The following CELF2 variants were observed in gnomAD, a reference collection of about 807,000 sequenced individuals.
The protein encoded by CELF2 is CUG triplet repeat RNA-binding protein 2.
CELF2 carries 8 observed loss-of-function variants against 62.6 expected under a neutral mutation model. That is an observed-to-expected ratio of 0.13 (90% CI 0.07 to 0.23). The LOEUF (loss-of-function observed/expected upper bound fraction) is 0.23. Ranked by LOEUF, CELF2 falls within the 10% of genes least tolerant of loss-of-function variation. The probability of loss-of-function intolerance (pLI) is 1.00; values close to 1 mark genes in which losing one functional copy is unlikely to be tolerated. For missense variants in CELF2, 333 were observed against 671.0 expected, an observed-to-expected ratio of 0.50 and a Z score of 5.56; for synonymous variants, 258 against 250.0, an observed-to-expected ratio of 1.03 and a Z score of -0.30.
intron 1 of CELF2, among the ~76,000 whole-genome samples, chr10:10,832,224 TGCC>T (rs1354621648): frequency 6.7e-6 from 1 of 149,452 alleles, no homozygotes; most frequent in East Asian, 2.0e-4. Flanking sequence ...GCCAAGATCA[TGCC>T]GCTGCACTCC....
At chr10:10,549,190 T>C in the CELF2 span, among the ~76,000 whole-genome samples, 2 of 152,176 alleles carry the variant, frequency 1.3e-5, no homozygotes, top group African/African-American at 4.8e-5. Flanking sequence ...CAAAATACCA[T>C]AGGCTGGATG....
At chr10:10,846,402 A>T (rs2059016531) in intron 1 of CELF2, among the ~76,000 whole-genome samples, 1 of 152,176 alleles carries the variant, frequency 6.6e-6, no homozygotes, top group African/African-American at 2.4e-5. Flanking sequence ...GGACACTGAG[A>T]GCCCGAGGAA....
chr10:11,282,612 G>A (rs1053805053), intron 8 of CELF2, among the ~76,000 whole-genome samples: 1 of 152,236 alleles, frequency 6.6e-6, no homozygotes, highest in African/African-American at 2.4e-5. Context: ...TCTGCACTAG[G>A]CATTGTTTGA....
At chr10:10,484,667 C>T in the CELF2 span, among the ~76,000 whole-genome samples, 1 of 151,948 alleles carries the variant, frequency 6.6e-6, no homozygotes, top group Non-Finnish European at 1.5e-5. Flanking sequence ...GTTAGGAATA[C>T]AAGCCTAGCC....
At chr10:10,665,428 A>G in the CELF2 span, among the ~76,000 whole-genome samples, 2 of 152,162 alleles carry the variant, frequency 1.3e-5, no homozygotes, top group African/African-American at 4.8e-5. Flanking sequence ...ATGTATGTGT[A>G]AGCCAGAATT....
chr10:10,879,261 C>A (rs2061298814), intron 1 of CELF2, among the ~76,000 whole-genome samples: 1 of 152,148 alleles, frequency 6.6e-6, no homozygotes, highest in South Asian at 2.1e-4. Flanking sequence ...AGAAAACCTC[C>A]CTGGCTGCTC....
intron 1 of CELF2, among the ~76,000 whole-genome samples, chr10:11,142,497 A>G (rs1404211083): frequency 6.6e-6 from 1 of 152,048 alleles, no homozygotes; most frequent in Non-Finnish European, 1.5e-5. Flanking sequence ...ATCCTGGCTA[A>G]CACAGTGAAA....
At chr10:11,171,245 T>G (rs923702737) in intron 2 of CELF2, 1 of 152,228 alleles carries the variant, frequency 6.6e-6, no homozygotes, top group Admixed American at 6.5e-5. Context: ...CATGGCTTCT[T>G]TGGGAAGAGT....
chr10:11,122,633 C>T (rs1169203636), intron 1 of CELF2, among the ~76,000 whole-genome samples: 1 of 152,184 alleles, frequency 6.6e-6, no homozygotes. Flanking sequence ...AGTTCCTTTC[C>T]CCCTCCTTTT....
At chr10:11,015,008 TG>T (rs1319369832), upstream of CELF2, among the ~76,000 whole-genome samples, 4 of 152,194 alleles carry the variant, frequency 2.6e-5, no homozygotes, top group East Asian at 7.8e-4. The surrounding 1 kb of genome is among the most constrained non-coding windows in gnomAD (Gnocchi z 4.8). Flanking sequence ...TATCCACGGG[TG>T]GGGCCAGCTG....
the CELF2 span, among the ~76,000 whole-genome samples, chr10:10,666,840 C>T: frequency 6.4e-5 from 4 of 62,562 alleles, no homozygotes; most frequent in East Asian, 7.1e-4. Flanking sequence ...CCAGCCTGGG[C>T]GACAGAGCGA....
the CELF2 span, among the ~76,000 whole-genome samples, chr10:10,572,605 G>T: frequency 2.0e-5 from 3 of 151,974 alleles, no homozygotes; most frequent in African/African-American, 4.8e-5. Context: ...AGAACATGTG[G>T]TGTTTGGTTT....
At chr10:11,325,734 A>G (rs2095690774) in intron 11 of CELF2, 102 bp from the exon 12 acceptor site, 1 of 1,035,054 alleles carries the variant, frequency 9.7e-7, no homozygotes, top group African/African-American at 1.6e-5. Flanking sequence ...TGTTTGTTCA[A>G]CTAAATGCTT....
chr10:11,136,137 G>A (rs1227981090), intron 1 of CELF2, among the ~76,000 whole-genome samples: 1 of 152,132 alleles, frequency 6.6e-6, no homozygotes, highest in Admixed American at 6.6e-5. Flanking sequence ...GGAAGGTTCA[G>A]AAAGACAACT....
chr10:11,284,176 ATGAGGGATGAGTGCGTGGTGGGTGGG>A (rs1565760421), intron 8 of CELF2, among the ~76,000 whole-genome samples: 9 of 67,226 alleles, frequency 1.3e-4, no homozygotes, highest in Non-Finnish European at 1.8e-4. Context: ...TGGTGGGTGG[ATGAGGGATGAGTGCGTGGTGGGTGGG>A]TGAGGGATGA....
At chr10:10,640,740 C>T in the CELF2 span, among the ~76,000 whole-genome samples, 1 of 152,220 alleles carries the variant, frequency 6.6e-6, no homozygotes, top group African/African-American at 2.4e-5. Flanking sequence ...CATTCTCATA[C>T]TATTTTCAAA....
chr10:10,795,051 T>C (rs564697353), upstream of CELF2: 2 of 152,078 alleles, frequency 1.3e-5, no homozygotes, highest in African/African-American at 4.8e-5. Context: ...TTTGCTTGGA[T>C]GGAGGAGGTA....
chr10:11,330,476 T>C lies in CELF2; in HGVS notation c.*1423T>C, dbSNP rs1286868908. 2.0e-5 allele frequency: 3 copies of C among 152,614 alleles called. No homozygotes were observed. Among genetic ancestry groups the C allele is most frequent in the African/African-American group, 7.2e-5 (3 of 41,458 alleles). 9.5% of individuals were successfully genotyped at this position (152,614 alleles called of 1,614,324 possible). On this transcript the variant is annotated 3_prime_UTR_variant, in exon 13 of 13. Transcript: ENST00000633077. The surrounding 1 kb of genome is among the most constrained non-coding windows in gnomAD (Gnocchi z 4.5). ...CCTAGACATCTTCATGCCCGTTAGT[T>C]CATCGTTTGCCTAGCATGTCCCTGT...
At chr10:11,131,872 C>T (rs979944671) in intron 1 of CELF2, among the ~76,000 whole-genome samples, 4 of 152,174 alleles carry the variant, frequency 2.6e-5, no homozygotes, top group African/African-American at 7.2e-5. Flanking sequence ...GCCAGAACTC[C>T]TGCATTATAA....
Sources: allele counts gnomAD v4.1 joint callset (sites outside exome capture counted in the v4.1 genomes callset), GRCh38; gene constraint gnomAD v4.1.1; non-coding constraint Gnocchi (gnomAD v3.1); transcripts MANE v1.5; gene names NCBI Gene and HGNC (gene_info 2026-07-23, HGNC 2026-07-21).